C6orf62: variants seen among roughly 807,000 people sequenced by gnomAD.
C6orf62 encodes uncharacterized protein C6orf62.
C6orf62 carries 16 observed loss-of-function variants against 26.8 expected under a neutral mutation model. That is an observed-to-expected ratio of 0.60 (90% CI 0.40 to 0.91). The LOEUF is 0.91. Ranked by LOEUF, C6orf62 falls within the 40% of genes least tolerant of loss-of-function variation. The pLI, the probability that C6orf62 is intolerant of heterozygous loss-of-function variation, is 0.00. For synonymous variants in C6orf62, 112 were observed against 91.5 expected, an observed-to-expected ratio of 1.22 and a Z score of -1.28; for missense variants, 192 against 271.4, an observed-to-expected ratio of 0.71 and a Z score of 2.06.
chr6:24,715,870 A>AAAAAAAAAAAAG (rs146648741), intron 2 of C6orf62, among the ~76,000 whole-genome samples: 1 of 146,270 alleles, frequency 6.8e-6, no homozygotes, highest in African/African-American at 2.6e-5. Flanking sequence ...AAAAAAAAAA[A>AAAAAAAAAAAAG]GTCCGAGATC....
At chr6:24,717,532 G>A (rs1035454008) in intron 1 of C6orf62, among the ~76,000 whole-genome samples, 1 of 152,224 alleles carries the variant, frequency 6.6e-6, no homozygotes, top group Admixed American at 6.5e-5. Context: ...GGCAGCTCCT[G>A]CCTGTAATCC....
At chr6:24,708,450 C>A (rs948898938) in intron 4 of C6orf62, among the ~76,000 whole-genome samples, 3 of 152,142 alleles carry the variant, frequency 2.0e-5, no homozygotes, top group Admixed American at 6.6e-5. Flanking sequence ...CAATCCTCCC[C>A]CTTCAGCCTC....
rs1037493601 is a variant in C6orf62, at chr6:24,705,355, G to C, written c.*782C>G. ...AAAACAAAACAAAACCAAAAGAAAA[G>C]TCCTCTACCTATCATGGTTTCTGCA... On this transcript the variant is annotated 3_prime_UTR_variant, in exon 5 of 5. Coordinates refer to ENST00000378119, the MANE Select transcript of C6orf62 (RefSeq NM_030939.5). The C allele has an allele frequency of 6.6e-6, 1 of 152,552 alleles. No individual in the cohort carries two copies. The highest frequency in any genetic ancestry group is 1.5e-5 in the Non-Finnish European group (1 of 68,014). 9.4% of individuals were successfully genotyped at this position (152,552 alleles called of 1,614,324 possible).
chr6:24,719,890 G>T (rs752573090), upstream of C6orf62: 3 of 1,550,188 alleles, frequency 1.9e-6, no homozygotes, highest in African/African-American at 4.1e-5. Flanking sequence ...GATCACTCAG[G>T]TTTTCACTCA....
Position 24,718,926 on chromosome 6 carries a change from GGAAA to G in C6orf62, c.-262_-259del, listed in dbSNP as rs1779294432. On this transcript the variant is annotated 5_prime_UTR_variant, in exon 1 of 5. Coordinates refer to ENST00000378119, the MANE Select transcript of C6orf62 (RefSeq NM_030939.5). ...TTTGGGGTCAGACGGGAAAAAGGGA[GGAAA>G]GAAAGGAAAGAAAGAGGAGAAAATA... The G allele has an allele frequency of 8.1e-7, 1 of 1,231,066 alleles. No homozygotes were observed. Among genetic ancestry groups the G allele is most frequent in the Non-Finnish European group, 1.0e-6 (1 of 983,010 alleles). The allele number at this position is 1,231,066 out of a possible 1,614,324, so 76.3% of individuals were successfully genotyped here.
Position 24,718,890 on chromosome 6 carries a change from G to C in C6orf62, c.-222C>G. On this transcript the variant is annotated 5_prime_UTR_variant, in exon 1 of 5. Coordinates refer to ENST00000378119, the MANE Select transcript of C6orf62 (RefSeq NM_030939.5). ...CAAAAGCTGCTGTCCAGTCATGTTT[G>C]GACAATAACGTTTGGGGTCAGACGG... is the stretch of plus-strand genomic sequence containing the variant. 1 of 1,345,250 alleles carries C rather than the reference G, an allele frequency of 7.4e-7. No homozygotes were observed. Among genetic ancestry groups the C allele is most frequent in the Non-Finnish European group, 9.5e-7 (1 of 1,053,238 alleles). 83.3% of individuals were successfully genotyped at this position (1,345,250 alleles called of 1,614,324 possible).
At chr6:24,714,516 T>C (rs1779186704) in intron 2 of C6orf62, 76 bp from the exon 3 acceptor site, 3 of 1,110,442 alleles carry the variant, frequency 2.7e-6, no homozygotes, top group Non-Finnish European at 2.6e-6. Context: ...AATTATAGGG[T>C]TCCCCTATAA....
At chr6:24,711,982 G>A (rs1007657892) in intron 3 of C6orf62, among the ~76,000 whole-genome samples, 1 of 152,014 alleles carries the variant, frequency 6.6e-6, no homozygotes, top group Admixed American at 6.6e-5. Flanking sequence ...GTCAGTCCAG[G>A]CTTTTATCCT....
At chr6:24,720,222 T>C, upstream of C6orf62, 1 of 1,324,118 alleles carries the variant, frequency 7.6e-7, no homozygotes, top group Non-Finnish European at 9.6e-7. Flanking sequence ...ACGGACCGAC[T>C]CTAGGGCGGG....
chr6:24,718,430 T>G, intron 1 of C6orf62, 110 bp downstream of exon 1: 1 of 1,145,044 alleles, frequency 8.7e-7, no homozygotes, highest in South Asian at 1.6e-5. Context: ...CAAAGCAGAC[T>G]TTTTTTCAAC....
At position 24,718,612 on chromosome 6, in the gene C6orf62, A is replaced by G; in HGVS notation, c.57T>C (p.Leu19=). Residue 19 remains leucine (L), a synonymous_variant, in exon 1 of 5, where the codon CTT becomes CTC. Transcript: ENST00000378119. ...CAGCTAGAGATTCTTTTTTCTTTCTAAGCTGAGCACGTAGTCTGTTCAGAG... is the reference window on the plus strand; with the variant it reads ...CAGCTAGAGATTCTTTTTTCTTTCTGAGCTGAGCACGTAGTCTGTTCAGAG... ...KQALNRLRAQ[L]RKKKESLADQ... 1.2e-6 allele frequency: 2 copies of G among 1,614,016 alleles called. No individual in the cohort carries two copies. The highest frequency in any genetic ancestry group is 1.7e-6 in the Non-Finnish European group (2 of 1,179,976).
upstream of C6orf62, chr6:24,720,197 C>T (rs543690158): frequency 8.6e-4 from 1,168 of 1,358,076 alleles, no homozygotes; most frequent in Non-Finnish European, 1.0e-3. Flanking sequence ...CCTGTCCCCG[C>T]GGAGCCCGGG....
intron 3 of C6orf62, among the ~76,000 whole-genome samples, chr6:24,712,690 CAA>C (rs10574302): frequency 0.25 from 25,488 of 100,760 alleles, 1,768 homozygotes; most frequent in Non-Finnish European, 0.28. Context: ...GACTCTGTCT[CAA>C]AAAAAAAAAA....
Position 24,706,029 on chromosome 6 carries a change from G to C in C6orf62, c.*108C>G. 2 of 1,454,140 alleles carry C rather than the reference G, an allele frequency of 1.4e-6. No homozygotes were observed. Among genetic ancestry groups the C allele is most frequent in the East Asian group, 2.4e-5 (1 of 41,498 alleles). 90.1% of individuals were successfully genotyped at this position (1,454,140 alleles called of 1,614,324 possible). ...CAAGTTTCAAAATGCATAGTGTTCT[G>C]TGCATGAGTCCATTTTCTTTAAACT... On this transcript the variant is annotated 3_prime_UTR_variant, in exon 5 of 5. Coordinates refer to ENST00000378119, the MANE Select transcript of C6orf62 (RefSeq NM_030939.5).
chr6:24,719,614 A>T, upstream of C6orf62: 1 of 1,428,742 alleles, frequency 7.0e-7, no homozygotes, highest in East Asian at 2.6e-5. Context: ...CTGTGGTTAG[A>T]CCTGATTAAT....
At chr6:24,717,655 T>C (rs939514677) in intron 1 of C6orf62, among the ~76,000 whole-genome samples, 14 of 152,010 alleles carry the variant, frequency 9.2e-5, no homozygotes, top group Admixed American at 2.6e-4. Context: ...AGTTAAACAG[T>C]AGGGGGAAAC....
At chr6:24,719,955 G>C, upstream of C6orf62, 2 of 1,550,032 alleles carry the variant, frequency 1.3e-6, no homozygotes, top group East Asian at 2.4e-5. Flanking sequence ...AGGGTAAATG[G>C]GAAGGTTCAG....
chr6:24,719,389 G>A (rs1394803571), upstream of C6orf62: 13 of 1,009,204 alleles, frequency 1.3e-5, no homozygotes, highest in African/African-American at 5.2e-5. Flanking sequence ...GAGAAGGAAA[G>A]GGAGAGGTAC....
chr6:24,720,214 G>C, upstream of C6orf62: 2 of 1,349,232 alleles, frequency 1.5e-6, no homozygotes, highest in Non-Finnish European at 1.9e-6. Flanking sequence ...CGGGACTCAC[G>C]GACCGACTCT....
Sources: gnomAD v4.1 joint callset for allele counts (sites outside exome capture counted in the v4.1 genomes callset) on GRCh38, gnomAD v4.1.1 for gene constraint, MANE v1.5 for transcripts, NCBI Gene and HGNC (gene_info 2026-07-23, HGNC 2026-07-21) for gene names.